Variants in GNB4 observed in about 807,000 individuals in gnomAD.
The protein encoded by GNB4 is G protein subunit beta 4, also known as guanine nucleotide-binding protein subunit beta-4.
Under a neutral mutation model 45.2 loss-of-function variants are expected in GNB4, and 28 were observed. The observed-to-expected ratio is 0.62, with a 90% CI of 0.46 to 0.85. The LOEUF is 0.85. Among genes scored for constraint, GNB4 ranks in the 40% least tolerant of loss-of-function variants. The pLI is 0.00. For synonymous variants in GNB4, 132 were observed against 143.7 expected, an observed-to-expected ratio of 0.92 and a Z score of 0.58; for missense variants, 321 against 425.4, an observed-to-expected ratio of 0.75 and a Z score of 2.16.
chr3:179,475,522 GA>G, the GNB4 span, among the ~76,000 whole-genome samples: 3 of 151,812 alleles, frequency 2.0e-5, no homozygotes, highest in Admixed American at 2.0e-4. Context: ...CACCAGGCTG[GA>G]ATGCAATGGC....
the GNB4 span, among the ~76,000 whole-genome samples, chr3:179,463,332 G>T: frequency 4.6e-5 from 7 of 152,254 alleles, no homozygotes; most frequent in Middle Eastern, 3.4e-3. Context: ...CAAACAGAAG[G>T]TATTTCTCAT....
the GNB4 span, among the ~76,000 whole-genome samples, chr3:179,462,560 C>T: frequency 1.3e-5 from 2 of 152,030 alleles, no homozygotes; most frequent in African/African-American, 2.4e-5. Flanking sequence ...ATTGGTTGGC[C>T]GGGCATGGTG....
chr3:179,459,434 G>A, the GNB4 span, among the ~76,000 whole-genome samples: 1 of 152,058 alleles, frequency 6.6e-6, no homozygotes, highest in East Asian at 1.9e-4. Flanking sequence ...TGTAATCCCA[G>A]CACTTTGGGA....
chr3:179,428,030 G>T (rs527744762), intron 1 of GNB4, among the ~76,000 whole-genome samples: 1 of 152,306 alleles, frequency 6.6e-6, no homozygotes, highest in Admixed American at 6.5e-5. Flanking sequence ...TCATGAGAGA[G>T]AATTTGGTTT....
At chr3:179,446,241 C>T (rs777129229) in intron 1 of GNB4, among the ~76,000 whole-genome samples, 27 of 152,200 alleles carry the variant, frequency 1.8e-4, no homozygotes, top group Non-Finnish European at 3.5e-4. Context: ...AGATTTAGGG[C>T]ACTGACTCTG....
chr3:179,452,434 A>G (rs1348621157), upstream of GNB4: 3 of 152,184 alleles, frequency 2.0e-5, no homozygotes, highest in African/African-American at 7.2e-5. Context: ...AGCCCTGGGT[A>G]GCGAAAACTG....
At chr3:179,515,319 A>T in the GNB4 span, among the ~76,000 whole-genome samples, 1 of 152,254 alleles carries the variant, frequency 6.6e-6, no homozygotes, top group Non-Finnish European at 1.5e-5. Context: ...ATGCACGTCC[A>T]CGTGAAGAGA....
At chr3:179,475,677 T>A in the GNB4 span, among the ~76,000 whole-genome samples, 1 of 151,698 alleles carries the variant, frequency 6.6e-6, no homozygotes, top group Admixed American at 6.6e-5. Flanking sequence ...TTTCACCATG[T>A]TGGCCAGGAT....
chr3:179,442,868 T>C (rs979671653), intron 1 of GNB4, among the ~76,000 whole-genome samples: 1 of 152,170 alleles, frequency 6.6e-6, no homozygotes, highest in Admixed American at 6.5e-5. Context: ...GAGCTCAGAC[T>C]GTCTTCCCAT....
At chr3:179,405,883 A>G (rs1045450067) in intron 8 of GNB4, 2 of 152,462 alleles carry the variant, frequency 1.3e-5, no homozygotes, top group African/African-American at 2.4e-5. Flanking sequence ...AAACCCAAAT[A>G]TGGTGCAATT....
intron 1 of GNB4, among the ~76,000 whole-genome samples, chr3:179,446,295 T>A (rs1043302317): frequency 7.2e-5 from 11 of 152,246 alleles, no homozygotes; most frequent in African/African-American, 2.7e-4. Context: ...ACCACTTGTG[T>A]ACGTTAACCG....
At chr3:179,495,945 A>G in the GNB4 span, among the ~76,000 whole-genome samples, 1 of 152,242 alleles carries the variant, frequency 6.6e-6, no homozygotes, top group Non-Finnish European at 1.5e-5. Flanking sequence ...CTTGCCTTAT[A>G]AAAGGAGTTC....
At chr3:179,427,215 C>T (rs765918455) in intron 1 of GNB4, among the ~76,000 whole-genome samples, 1 of 152,068 alleles carries the variant, frequency 6.6e-6, no homozygotes, top group African/African-American at 2.4e-5. Flanking sequence ...AGCACATGTG[C>T]ACCCAAACAT....
At chr3:179,422,877 C>T (rs1715032892) in intron 2 of GNB4, among the ~76,000 whole-genome samples, 1 of 152,150 alleles carries the variant, frequency 6.6e-6, no homozygotes, top group Non-Finnish European at 1.5e-5. Flanking sequence ...ACTGCAAGCT[C>T]TGCCTCTCAG....
the GNB4 span, among the ~76,000 whole-genome samples, chr3:179,457,564 A>T: frequency 2.0e-5 from 3 of 152,312 alleles, no homozygotes; most frequent in Admixed American, 2.0e-4. Context: ...TCTTCAATTA[A>T]TGAGGGAGCA....
At chr3:179,510,765 A>G in the GNB4 span, among the ~76,000 whole-genome samples, 1 of 152,192 alleles carries the variant, frequency 6.6e-6, no homozygotes, top group South Asian at 2.1e-4. Flanking sequence ...ATAGGCTGAC[A>G]TTCCTGACAT....
intron 1 of GNB4, among the ~76,000 whole-genome samples, chr3:179,439,335 C>T (rs1429493440): frequency 6.6e-6 from 1 of 152,188 alleles, no homozygotes; most frequent in Non-Finnish European, 1.5e-5. Context: ...TAAATCCTTA[C>T]ACATAAAGAC....
chr3:179,445,598 T>C (rs887624800), intron 1 of GNB4, among the ~76,000 whole-genome samples: 1 of 152,218 alleles, frequency 6.6e-6, no homozygotes, highest in Non-Finnish European at 1.5e-5. Context: ...CACTTTTGCA[T>C]AATAGGTAAG....
rs1251316859 is a variant in GNB4 at position 179,397,077 on chromosome 3, A to C, written c.*4136T>G. ...TTGAACATAATATTTAATTTTTAAA[A>C]AAATTCAGCCTGACTCCGACCCTGA... On this transcript the variant is annotated 3_prime_UTR_variant, in exon 10 of 10. Coordinates refer to ENST00000232564, the MANE Select transcript of GNB4 (RefSeq NM_021629.4). 6.6e-6 allele frequency: 1 copy of C among 152,242 alleles called. No individual in the cohort carries two copies. The highest frequency in any genetic ancestry group is 1.5e-5 in the Non-Finnish European group (1 of 68,038). The allele number at this position is 152,242 out of a possible 1,614,324, so 9.4% of individuals were successfully genotyped here. A position where few individuals can be genotyped will look rare whatever the true frequency, so the allele number is the denominator to read the frequency against.
Sources: gnomAD v4.1 joint callset for allele counts (sites outside exome capture counted in the v4.1 genomes callset) on GRCh38, gnomAD v4.1.1 for gene constraint, MANE v1.5 for transcripts, NCBI Gene and HGNC (gene_info 2026-07-23, HGNC 2026-07-21) for gene names.